The following GRM7 variants were observed in gnomAD, a reference collection of about 807,000 sequenced individuals.
GRM7 encodes the protein metabotropic glutamate receptor 7.
In GRM7, 35 loss-of-function variants were observed where a neutral mutation model predicts 84.5. The observed-to-expected ratio is 0.41, with a 90% CI of 0.32 to 0.55. The LOEUF (loss-of-function observed/expected upper bound fraction) is 0.55. Among genes scored for constraint, GRM7 ranks in the 20% least tolerant of loss-of-function variants. The pLI is 0.19. For missense variants in GRM7, 1,003 were observed against 1,194.6 expected (o/e 0.84, Z 2.36); for synonymous variants, 487 against 455.1 (o/e 1.07, Z -0.89).
At chr3:7,307,521 A>G (rs1032822028) in intron 4 of GRM7, among the ~76,000 whole-genome samples, 3 of 152,270 alleles carry the variant, frequency 2.0e-5, no homozygotes, top group Non-Finnish European at 2.9e-5. Flanking sequence ...CTCAAATCTA[A>G]TTAATTATTC....
chr3:7,453,759 G>A (rs1017476662), intron 6 of GRM7, among the ~76,000 whole-genome samples: 1 of 152,008 alleles, frequency 6.6e-6, no homozygotes. Flanking sequence ...CGACAACCAC[G>A]AAGAAATGTG....
intron 1 of GRM7, among the ~76,000 whole-genome samples, chr3:7,078,853 G>GTTTTTTTTTTTTTTTTTT (rs34321853): frequency 7.0e-6 from 1 of 143,018 alleles, no homozygotes. Flanking sequence ...CTCTGAGTTT[G>GTTTTTTTTTTTTTTTTTT]TTTTTTTTTT....
chr3:7,654,562 T>G (rs779349289), intron 8 of GRM7, among the ~76,000 whole-genome samples: 2 of 152,218 alleles, frequency 1.3e-5, no homozygotes, highest in Non-Finnish European at 2.9e-5. Context: ...TTTGACTGTT[T>G]CCAGTCCAGT....
chr3:7,561,284 T>G (rs1003484982), intron 7 of GRM7: 1 of 226,646 alleles, frequency 4.4e-6, no homozygotes, highest in Admixed American at 4.9e-5. Context: ...AAGGACCAAC[T>G]GGGTCACACT....
chr3:7,539,052 G>C (rs1692717108), intron 7 of GRM7, among the ~76,000 whole-genome samples: 1 of 152,116 alleles, frequency 6.6e-6, no homozygotes, highest in South Asian at 2.1e-4. Flanking sequence ...CCTCTTCATG[G>C]ACCTCTAAAA....
At chr3:7,338,932 T>TG (rs941220848) in intron 4 of GRM7, among the ~76,000 whole-genome samples, 3 of 148,930 alleles carry the variant, frequency 2.0e-5, no homozygotes, top group African/African-American at 2.5e-5. Flanking sequence ...CTTTCCAGGC[T>TG]GGGGAAAAAA....
At position 7,508,134 on chromosome 3, in the gene GRM7, G is replaced by C. The variant is rs187760871; in HGVS notation, c.1515+46412G>C. On this transcript the variant is annotated intron_variant, in intron 7 of 9. Transcript: ENST00000357716. Reference sequence around the variant, plus strand: ...TTCAGATACTTGCCAATTTTTTAGTGCTGGTTGATTCTGTGAATAGAGATG... The same window carrying C: ...TTCAGATACTTGCCAATTTTTTAGTCCTGGTTGATTCTGTGAATAGAGATG... 2.4e-3 allele frequency among the ~76,000 whole-genome samples: 365 copies of C among 152,256 alleles called. 2 individuals are homozygous for C. The highest frequency in any genetic ancestry group is 8.4e-3 in the African/African-American group (348 of 41,566).
At chr3:6,902,850 TAC>T (rs34849112) in intron 1 of GRM7, among the ~76,000 whole-genome samples, 42,418 of 134,272 alleles carry the variant, frequency 0.32, 6,309 homozygotes, top group East Asian at 0.6. Flanking sequence ...AACAGACTCC[TAC>T]ACACACACAC....
chr3:7,113,475 C>G (rs547480851), intron 1 of GRM7, among the ~76,000 whole-genome samples: 3 of 152,228 alleles, frequency 2.0e-5, no homozygotes, highest in African/African-American at 7.2e-5. Flanking sequence ...GTCTCCAACT[C>G]CAAGGCTCAA....
intron 7 of GRM7, among the ~76,000 whole-genome samples, chr3:7,556,429 T>C (rs1192260829): frequency 1.3e-5 from 2 of 152,200 alleles, no homozygotes; most frequent in Non-Finnish European, 1.5e-5. Context: ...CAAAGACTCA[T>C]TGTGAGACTG....
intron 7 of GRM7, among the ~76,000 whole-genome samples, chr3:7,548,661 C>A (rs1030519420): frequency 6.6e-6 from 1 of 152,170 alleles, no homozygotes; most frequent in Non-Finnish European, 1.5e-5. Context: ...TTTGGTTCTT[C>A]TTCCAATTGT....
intron 4 of GRM7, among the ~76,000 whole-genome samples, chr3:7,404,025 A>T (rs1695570698): frequency 2.6e-5 from 4 of 152,086 alleles, no homozygotes; most frequent in Admixed American, 6.6e-5. Flanking sequence ...AAAAACATGG[A>T]TGCTCAGGCC....
At chr3:7,595,214 T>C (rs772923874) in intron 8 of GRM7, among the ~76,000 whole-genome samples, 1 of 152,214 alleles carries the variant, frequency 6.6e-6, no homozygotes, top group Non-Finnish European at 1.5e-5. Flanking sequence ...TGGATAATGA[T>C]ATGTGCTCTG....
intron 1 of GRM7, among the ~76,000 whole-genome samples, chr3:7,044,655 C>T (rs1696737331): frequency 6.6e-6 from 1 of 152,098 alleles, no homozygotes; most frequent in African/African-American, 2.4e-5. Flanking sequence ...CTTAATTAGC[C>T]ATTTCAGAAT....
chr3:7,649,477 A>C (rs1000519691), intron 8 of GRM7, among the ~76,000 whole-genome samples: 4 of 152,034 alleles, frequency 2.6e-5, no homozygotes, highest in African/African-American at 7.2e-5. Flanking sequence ...AAAAATATTA[A>C]ATTTCTTGAC....
chr3:7,185,883 G>T (rs1042208792), intron 2 of GRM7, among the ~76,000 whole-genome samples: 6 of 152,132 alleles, frequency 3.9e-5, no homozygotes, highest in Non-Finnish European at 7.4e-5. Context: ...AATATCTGTG[G>T]TTACATCCAT....
At chr3:7,637,467 C>G (rs573672182) in intron 8 of GRM7, among the ~76,000 whole-genome samples, 44 of 152,138 alleles carry the variant, frequency 2.9e-4, no homozygotes, top group Admixed American at 2.3e-3. Flanking sequence ...CCTGAGATGC[C>G]AGGCACAACC....
At chr3:7,654,859 G>T (rs187360457) in intron 8 of GRM7, among the ~76,000 whole-genome samples, 2 of 152,130 alleles carry the variant, frequency 1.3e-5, no homozygotes, top group African/African-American at 2.4e-5. Flanking sequence ...ATAATTGCTT[G>T]GGGTGGCCCA....
intron 7 of GRM7, among the ~76,000 whole-genome samples, chr3:7,489,189 A>G (rs1351237651): frequency 6.6e-6 from 1 of 152,200 alleles, no homozygotes; most frequent in African/African-American, 2.4e-5. Flanking sequence ...AATATATTTT[A>G]CAACATGACC....
Sources: gnomAD v4.1 joint callset for allele counts (sites outside exome capture counted in the v4.1 genomes callset) on GRCh38, gnomAD v4.1.1 for gene constraint, MANE v1.5 for transcripts, NCBI Gene and HGNC (gene_info 2026-07-23, HGNC 2026-07-21) for gene names.